Variants in GRIK5 observed in about 807,000 individuals in gnomAD.
GRIK5 encodes the protein glutamate ionotropic receptor kainate type subunit 5, also known as glutamate receptor ionotropic, kainate 5.
In GRIK5, 43 loss-of-function variants were observed where a neutral mutation model predicts 97.4. That is an observed-to-expected ratio of 0.44 (90% confidence interval 0.35 to 0.57). The LOEUF (loss-of-function observed/expected upper bound fraction) is 0.57, where lower values mean the gene tolerates loss of function less well. GRIK5 is among the 20% of genes least tolerant of loss of function. GRIK5 has a pLI of 0.01. For synonymous variants in GRIK5, 580 were observed against 583.5 expected (o/e 0.99, Z 0.09); for missense variants, 1,015 against 1,382.0 (o/e 0.73, Z 4.21).
Position 42,022,101 on chromosome 19 carries a change from C to T in GRIK5, c.1588-45G>A. Reference sequence around the variant, plus strand: ...GACCCGGAGACACCCCTGGCCTGAGCCTCACACCCAGCCCCTGCCCTACCA... The same window carrying T: ...GACCCGGAGACACCCCTGGCCTGAGTCTCACACCCAGCCCCTGCCCTACCA... On this transcript the variant is annotated intron_variant, in intron 13 of 19. Transcript: ENST00000593562. The surrounding 1 kb of genome is among the most constrained non-coding windows in gnomAD (Gnocchi z 4.2). 1 of 1,475,900 alleles carries T rather than the reference C, an allele frequency of 6.8e-7. No homozygotes were observed. Among genetic ancestry groups the T allele is most frequent in the African/African-American group, 1.4e-5 (1 of 72,150 alleles). The allele number at this position is 1,475,900 out of a possible 1,614,324, so 91.4% of individuals were successfully genotyped here.
chr19:42,033,175 G>A (rs574749967), intron 12 of GRIK5, among the ~76,000 whole-genome samples: 13 of 152,138 alleles, frequency 8.5e-5, no homozygotes, highest in South Asian at 8.3e-4. Context: ...AAAATTAGCC[G>A]GGTGTGGTGG....
chr19:42,031,880 C>T (rs1022533388), intron 12 of GRIK5, among the ~76,000 whole-genome samples: 11 of 152,178 alleles, frequency 7.2e-5, no homozygotes, highest in African/African-American at 2.7e-4. Flanking sequence ...TGCCTGTAAT[C>T]GTAACACTTT....
Position 42,003,705 on chromosome 19 carries a change from T to C in GRIK5, c.2264-22A>G, listed in dbSNP as rs1336008679. 1 of 1,594,024 alleles carries C rather than the reference T, an allele frequency of 6.3e-7. No individual in the cohort carries two copies. ...GAGCCTGGGCAGGCACACGAGGGGC[T>C]GGACCAGCCATCGGGCCCTGCAGCC... On this transcript the variant is annotated intron_variant, in intron 17 of 19. Transcript: ENST00000593562. The surrounding 1 kb of genome is among the most constrained non-coding windows in gnomAD (Gnocchi z 4.2).
intron 12 of GRIK5, among the ~76,000 whole-genome samples, chr19:42,040,525 T>G (rs1280295337): frequency 6.6e-6 from 1 of 152,170 alleles, no homozygotes; most frequent in East Asian, 1.9e-4. Flanking sequence ...GCTTCTCATC[T>G]CCTGTCTCAC....
Position 42,021,369 on chromosome 19 carries a change from C to T in GRIK5, c.1803G>A (p.Gly601=). Reference sequence around the variant, plus strand: ...TCTCCGAGCCCTGCTGCATGAAGCCCCCCACGGGAAACCACAGGCTGTTGC... The same window carrying T: ...TCTCCGAGCCCTGCTGCATGAAGCCTCCCACGGGAAACCACAGGCTGTTGC... ...TLGNSLWFPV[G]GFMQQGSEIM... The change falls in exon 15 of 20, where the codon GGG becomes GGA. Residue 601 remains glycine (G), a synonymous_variant. Coordinates refer to ENST00000593562, the MANE Select transcript of GRIK5 (RefSeq NM_002088.5). This position sits in a 1 kb window ranked among gnomAD's most constrained non-coding sequence, Gnocchi z 4.2. 4 of 1,613,686 alleles carry T rather than the reference C, an allele frequency of 2.5e-6. No individual in the cohort carries two copies. Among genetic ancestry groups the T allele is most frequent in the Non-Finnish European group, 3.4e-6 (4 of 1,179,874 alleles).
intron 11 of GRIK5, among the ~76,000 whole-genome samples, chr19:42,048,643 AAAAT>A (rs2076074073): frequency 6.6e-6 from 1 of 151,820 alleles, no homozygotes; most frequent in Non-Finnish European, 1.5e-5. Flanking sequence ...AAACAAATAA[AAAAT>A]AAAAAATAAC....
chr19:41,998,914 C>T lies in GRIK5; in HGVS notation c.2900G>A (p.Arg967Gln). 1.8e-6 allele frequency: 2 copies of T among 1,120,958 alleles called. No individual in the cohort carries two copies. 69.4% of individuals were successfully genotyped at this position (1,120,958 alleles called of 1,614,324 possible). The change falls in exon 20 of 20, where the codon CGG becomes CAG. Residue 967 changes from arginine to glutamine, a missense_variant. By Grantham distance (43) the Arg-to-Gln change is conservative. Transcript: ENST00000593562. ...PAEATSPPRPRPGPAGPRELA... is the reference protein window; with the variant it reads ...PAEATSPPRPQPGPAGPRELA... ...CTCCCGGGGGCCGGCGGGGCCAGGCCGCGGCCGGGGCGGGCTGGTGGCTTC... is the reference window on the plus strand; with the variant it reads ...CTCCCGGGGGCCGGCGGGGCCAGGCTGCGGCCGGGGCGGGCTGGTGGCTTC...
intron 12 of GRIK5, among the ~76,000 whole-genome samples, chr19:42,027,658 C>T (rs1342329590): frequency 6.6e-6 from 1 of 152,048 alleles, no homozygotes; most frequent in Non-Finnish European, 1.5e-5. Context: ...GTGCTGGGGG[C>T]AGGACTGAGT....
chr19:42,047,140 G>A (rs553951806), intron 11 of GRIK5, among the ~76,000 whole-genome samples: 4 of 151,232 alleles, frequency 2.6e-5, no homozygotes, highest in South Asian at 4.3e-4. Context: ...TGCCCACCCC[G>A]GCCTCCCAAA....
chr19:41,998,839 C>A lies in GRIK5; in HGVS notation c.*32G>T. 9.2e-7 allele frequency: 1 copy of A among 1,092,210 alleles called. No individual in the cohort carries two copies. Among genetic ancestry groups the A allele is most frequent in the South Asian group, 4.5e-5 (1 of 22,348 alleles). 67.7% of individuals were successfully genotyped at this position (1,092,210 alleles called of 1,614,324 possible). On this transcript the variant is annotated 3_prime_UTR_variant, in exon 20 of 20. Transcript: ENST00000593562. ...CTGGGGCGGGCCCCGTCCCTTCGGT[C>A]AGTCCGGGCGCCCGCACAGCCCCGC... is the stretch of plus-strand genomic sequence containing the variant.
intron 12 of GRIK5, among the ~76,000 whole-genome samples, chr19:42,035,756 A>G (rs1422896091): frequency 1.3e-5 from 2 of 152,226 alleles, no homozygotes; most frequent in Non-Finnish European, 2.9e-5. Flanking sequence ...ATGAATTTGT[A>G]GAAAATGAGT....
At chr19:42,010,880 A>G (rs1275082947) in intron 15 of GRIK5, among the ~76,000 whole-genome samples, 1 of 152,094 alleles carries the variant, frequency 6.6e-6, no homozygotes, top group Non-Finnish European at 1.5e-5. Flanking sequence ...AACACAGCTC[A>G]CTGCAGCCTC....
At position 42,045,081 on chromosome 19, in the gene GRIK5, C is replaced by T. The variant is rs767474989; in HGVS notation, c.1270-2326G>A. ...TAGATTCCTTTTACACATGTGGACA[C>T]GGAGGCTCAAAGTGGTTAGGTGACC... On this transcript the variant is annotated intron_variant, in intron 11 of 19. Coordinates refer to ENST00000593562, the MANE Select transcript of GRIK5 (RefSeq NM_002088.5). Among the ~76,000 whole-genome samples, 10 of 152,226 alleles carry T rather than the reference C, an allele frequency of 6.6e-5. No individual in the cohort carries two copies. The South Asian group carries it at 1.0e-3, about 16-fold the overall frequency.
intron 12 of GRIK5, among the ~76,000 whole-genome samples, chr19:42,038,518 G>T (rs538828317): frequency 6.6e-6 from 1 of 152,258 alleles, no homozygotes; most frequent in Non-Finnish European, 1.5e-5. Flanking sequence ...TCTCTCACTG[G>T]GTGGCCATGA....
chr19:42,013,742 G>A (rs985120880), intron 15 of GRIK5, among the ~76,000 whole-genome samples: 11 of 152,088 alleles, frequency 7.2e-5, no homozygotes, highest in African/African-American at 2.4e-4. Context: ...AAACATAAAT[G>A]TTTGAGGTGA....
chr19:42,043,829 T>C (rs2076009796), intron 11 of GRIK5, among the ~76,000 whole-genome samples: 1 of 152,182 alleles, frequency 6.6e-6, no homozygotes, highest in Non-Finnish European at 1.5e-5. Context: ...GGAGGATTGC[T>C]TGAGCCCGAG....
intron 6 of GRIK5, among the ~76,000 whole-genome samples, chr19:42,057,909 C>T (rs913770059): frequency 6.6e-6 from 1 of 152,216 alleles, no homozygotes; most frequent in Non-Finnish European, 1.5e-5. Context: ...TCTGTCCCCC[C>T]ACGAGAATTA....
At chr19:42,057,935 C>T (rs1211963552) in intron 6 of GRIK5, among the ~76,000 whole-genome samples, 1 of 152,126 alleles carries the variant, frequency 6.6e-6, no homozygotes, top group African/African-American at 2.4e-5. Flanking sequence ...TTAAAGGGCA[C>T]CAGCTTGCAT....
Position 42,003,391 on chromosome 19 carries a change from C to T in GRIK5, c.2455G>A (p.Val819Ile), listed in dbSNP as rs782556555. 5.0e-6 allele frequency: 8 copies of T among 1,613,434 alleles called. No individual in the cohort carries two copies. In the African/African-American group the frequency reaches 9.4e-5, roughly 19 times the overall value. The change falls in exon 19 of 20, where the codon GTC becomes ATC. Residue 819 changes from valine (V) to isoleucine (I), a missense_variant. This residue lies in a region of GRIK5 where 229 missense variants were observed against 341.0 expected (regional missense o/e 0.67). Transcript: ENST00000593562. This position sits in a 1 kb window ranked among gnomAD's most constrained non-coding sequence, Gnocchi z 4.2. Reference protein sequence around the residue: ...IVLICGLIIAVFVAVMEFIWS... With the variant: ...IVLICGLIIAIFVAVMEFIWS... ...ATGAATTCCATGACCGCCACGAAGA[C>T]AGCAATGATGAGGCCACAGATGAGC...
Sources: gnomAD v4.1 joint callset for allele counts (sites outside exome capture counted in the v4.1 genomes callset) on GRCh38, gnomAD v4.1.1 for gene constraint, gnomAD v4.1.1 regional missense constraint, Gnocchi (gnomAD v3.1) non-coding constraint, MANE v1.5 for transcripts, NCBI Gene and HGNC (gene_info 2026-07-23, HGNC 2026-07-21) for gene names.